The following RGS7BP variants were observed in gnomAD, a reference collection of about 807,000 sequenced individuals.
RGS7BP encodes the protein regulator of G protein signaling 7 binding protein.
A neutral mutation model predicts 31.3 loss-of-function variants in RGS7BP; 9 were observed. That is an observed-to-expected ratio of 0.29 (90% CI 0.17 to 0.50). The LOEUF is 0.50. RGS7BP is among the 20% of genes least tolerant of loss of function. The pLI is 0.98. For missense variants in RGS7BP, 274 were observed against 322.0 expected (o/e 0.85, Z 1.14); for synonymous variants, 115 against 120.1 (o/e 0.96, Z 0.28).
chr5:64,596,898 G>C (rs1743084058), intron 4 of RGS7BP, among the ~76,000 whole-genome samples: 1 of 152,132 alleles, frequency 6.6e-6, no homozygotes, highest in African/African-American at 2.4e-5. Context: ...GGTGTTTTGT[G>C]AAATGGACTG....
intron 2 of RGS7BP, among the ~76,000 whole-genome samples, chr5:64,546,728 T>C (rs1342907113): frequency 6.6e-6 from 1 of 152,186 alleles, no homozygotes; most frequent in Non-Finnish European, 1.5e-5. Context: ...CCAACTTTCA[T>C]GCAGTTAAAA....
chr5:64,541,100 C>T (rs1741516893), intron 2 of RGS7BP, among the ~76,000 whole-genome samples: 1 of 152,092 alleles, frequency 6.6e-6, no homozygotes, highest in Non-Finnish European at 1.5e-5. Flanking sequence ...AAGCCATATA[C>T]GAAGCATAGT....
In RGS7BP at chr5:64,609,396, CT is replaced by C. The variant is rs1193607437; in HGVS notation, c.*148del. 1.5e-5 allele frequency: 9 copies of C among 587,472 alleles called. No homozygotes were observed. Among genetic ancestry groups the C allele is most frequent in the Non-Finnish European group, 2.8e-5 (9 of 325,014 alleles). 36.4% of individuals were successfully genotyped at this position (587,472 alleles called of 1,614,324 possible). ...TTACTTTTATCTGCCTCCCCCTGCCCTTTTAAATGATTTTACACTTGAAAGC... is the reference window on the plus strand; with the variant it reads ...TTACTTTTATCTGCCTCCCCCTGCCCTTTAAATGATTTTACACTTGAAAGC... On this transcript the variant is annotated 3_prime_UTR_variant, in exon 6 of 6. Coordinates refer to ENST00000334025, the MANE Select transcript of RGS7BP (RefSeq NM_001029875.3).
intron 2 of RGS7BP, among the ~76,000 whole-genome samples, chr5:64,570,538 G>C (rs1466732778): frequency 6.6e-6 from 1 of 151,972 alleles, no homozygotes; most frequent in Non-Finnish European, 1.5e-5. Flanking sequence ...CAAACATTTT[G>C]CTGTTTTTTT....
At chr5:64,528,541 G>A (rs1749288658) in intron 2 of RGS7BP, among the ~76,000 whole-genome samples, 1 of 152,190 alleles carries the variant, frequency 6.6e-6, no homozygotes, top group Non-Finnish European at 1.5e-5. Context: ...GCCGGGTGCA[G>A]TGGCTCAGGC....
chr5:64,580,775 T>A (rs1030855305), intron 3 of RGS7BP, among the ~76,000 whole-genome samples: 1 of 152,172 alleles, frequency 6.6e-6, no homozygotes, highest in Non-Finnish European at 1.5e-5. Context: ...ATTGAGCCTG[T>A]CTGGATGAAC....
At chr5:64,529,166 A>G (rs1749311501) in intron 2 of RGS7BP, among the ~76,000 whole-genome samples, 1 of 152,226 alleles carries the variant, frequency 6.6e-6, no homozygotes, top group African/African-American at 2.4e-5. Context: ...CCAAAAAAAG[A>G]GAATTATTTC....
At chr5:64,544,741 T>A (rs946634357) in intron 2 of RGS7BP, among the ~76,000 whole-genome samples, 1 of 152,170 alleles carries the variant, frequency 6.6e-6, no homozygotes, top group East Asian at 1.9e-4. Context: ...AAAAGTGTGA[T>A]GACTAGAAGA....
At chr5:64,554,039 GA>G (rs1259171709) in intron 2 of RGS7BP, among the ~76,000 whole-genome samples, 1 of 152,076 alleles carries the variant, frequency 6.6e-6, no homozygotes, top group Non-Finnish European at 1.5e-5. Context: ...TCATTTGCTG[GA>G]TATCTGCTCT....
chr5:64,582,773 A>G (rs187891404), intron 3 of RGS7BP, among the ~76,000 whole-genome samples: 1 of 152,340 alleles, frequency 6.6e-6, no homozygotes, highest in East Asian at 1.9e-4. Flanking sequence ...TACAGGATGA[A>G]CTCAAGACAA....
intron 2 of RGS7BP, among the ~76,000 whole-genome samples, chr5:64,530,350 AT>A (rs1749338414): frequency 6.6e-6 from 1 of 152,238 alleles, no homozygotes; most frequent in African/African-American, 2.4e-5. Context: ...ACAAAATGAG[AT>A]TATATAGAAG....
chr5:64,610,338 T>G lies in RGS7BP; in HGVS notation c.*1086T>G, dbSNP rs1743471374. On this transcript the variant is annotated 3_prime_UTR_variant, in exon 6 of 6. Coordinates refer to ENST00000334025, the MANE Select transcript of RGS7BP (RefSeq NM_001029875.3). Reference sequence around the variant, plus strand: ...AAAGGAGGAAGCCACATGCTTTGTTTTTCTGCTCACAGCTTTGTTGTGATC... The same window carrying G: ...AAAGGAGGAAGCCACATGCTTTGTTGTTCTGCTCACAGCTTTGTTGTGATC... 1 of 152,398 alleles carries G rather than the reference T, an allele frequency of 6.6e-6. No individual in the cohort carries two copies. Among genetic ancestry groups the G allele is most frequent in the Admixed American group, 6.6e-5 (1 of 15,228 alleles). 9.4% of individuals were successfully genotyped at this position (152,398 alleles called of 1,614,324 possible).
At chr5:64,578,780 TC>T (rs1354911338) in intron 3 of RGS7BP, among the ~76,000 whole-genome samples, 1 of 152,190 alleles carries the variant, frequency 6.6e-6, no homozygotes, top group Admixed American at 6.5e-5. Context: ...GTGCATTGTC[TC>T]CATGAACTGA....
intron 2 of RGS7BP, among the ~76,000 whole-genome samples, chr5:64,526,077 T>G (rs899406752): frequency 3.3e-5 from 5 of 152,134 alleles, no homozygotes; most frequent in African/African-American, 1.2e-4. Context: ...CAATGAGTAT[T>G]GACAAGGGAA....
chr5:64,544,754 A>G (rs187504242), intron 2 of RGS7BP, among the ~76,000 whole-genome samples: 1 of 152,314 alleles, frequency 6.6e-6, no homozygotes, highest in East Asian at 1.9e-4. Flanking sequence ...CTAGAAGAAG[A>G]ACATATACAA....
intron 2 of RGS7BP, among the ~76,000 whole-genome samples, chr5:64,554,212 A>G (rs934577634): frequency 2.6e-5 from 4 of 152,072 alleles, no homozygotes; most frequent in Admixed American, 2.0e-4. Flanking sequence ...TTCCCTCTCT[A>G]TAAGGTTATT....
chr5:64,532,010 T>C (rs1179701847), intron 2 of RGS7BP, among the ~76,000 whole-genome samples: 1 of 152,212 alleles, frequency 6.6e-6, no homozygotes, highest in Non-Finnish European at 1.5e-5. Context: ...CAAGCACAAG[T>C]AAAGAATAAA....
Position 64,506,538 on chromosome 5 carries a change from G to A in RGS7BP, c.-87G>A. 1 of 1,266,172 alleles carries A rather than the reference G, an allele frequency of 7.9e-7. No homozygotes were observed. Among genetic ancestry groups the A allele is most frequent in the Non-Finnish European group, 1.1e-6 (1 of 914,604 alleles). The allele number at this position is 1,266,172 out of a possible 1,614,324, so 78.4% of individuals were successfully genotyped here. A position where few individuals can be genotyped will look rare whatever the true frequency, so the allele number is the denominator to read the frequency against. The stretch of plus-strand genomic sequence containing the variant: ...CGCGCCTCAGGTCCGGGCTCCGGCT[G>A]CTTGGCGGCGGCGCCCAGGGCAACA... On this transcript the variant is annotated 5_prime_UTR_variant, in exon 1 of 6. Coordinates refer to ENST00000334025, the MANE Select transcript of RGS7BP (RefSeq NM_001029875.3). The surrounding 1 kb of genome is among the most constrained non-coding windows in gnomAD (Gnocchi z 4.6).
At chr5:64,608,585 T>C (rs554820631) in intron 5 of RGS7BP, among the ~76,000 whole-genome samples, 8 of 152,194 alleles carry the variant, frequency 5.3e-5, no homozygotes, top group African/African-American at 1.9e-4. Flanking sequence ...GCTTCCTCTA[T>C]GCTAGACAGT....
Sources: allele counts gnomAD v4.1 joint callset (sites outside exome capture counted in the v4.1 genomes callset), GRCh38; gene constraint gnomAD v4.1.1; non-coding constraint Gnocchi (gnomAD v3.1); transcripts MANE v1.5; gene names NCBI Gene and HGNC (gene_info 2026-07-23, HGNC 2026-07-21).